CDC42BPA: variants seen among roughly 807,000 people sequenced by gnomAD.
CDC42BPA encodes the protein CDC42 binding protein kinase alpha.
A neutral mutation model predicts 223.5 loss-of-function variants in CDC42BPA; 80 were observed. The observed-to-expected ratio is 0.36, with a 90% CI of 0.30 to 0.43. CDC42BPA has a LOEUF of 0.43. Ranked by LOEUF, CDC42BPA falls within the 20% of genes least tolerant of loss-of-function variation. The pLI is 1.00. For missense variants in CDC42BPA, 1,743 were observed against 2,099.9 expected (o/e 0.83, Z 3.32); for synonymous variants, 694 against 718.6 (o/e 0.97, Z 0.55).
chr1:227,174,890 G>A (rs1401006334), intron 5 of CDC42BPA, among the ~76,000 whole-genome samples: 1 of 152,078 alleles, frequency 6.6e-6, no homozygotes, highest in Non-Finnish European at 1.5e-5. Flanking sequence ...TTGCCCTCAG[G>A]GAGAGATTCT....
intron 1 of CDC42BPA, among the ~76,000 whole-genome samples, chr1:227,299,861 G>A (rs1691314143): frequency 1.3e-5 from 2 of 152,170 alleles, no homozygotes; most frequent in East Asian, 1.9e-4. Flanking sequence ...CTTTTGGGGT[G>A]TGTTTTTCAA....
At chr1:227,088,375 TAAG>T (rs1682390079) in intron 16 of CDC42BPA, among the ~76,000 whole-genome samples, 1 of 152,220 alleles carries the variant, frequency 6.6e-6, no homozygotes, top group Non-Finnish European at 1.5e-5. Flanking sequence ...ATTTGACTTA[TAAG>T]AAGACTACAT....
chr1:227,251,843 T>TA (rs1399976099), intron 2 of CDC42BPA, among the ~76,000 whole-genome samples: 1 of 152,112 alleles, frequency 6.6e-6, no homozygotes, highest in Non-Finnish European at 1.5e-5. Flanking sequence ...TCTAATCACA[T>TA]AGAGTATGCG....
chr1:227,089,265 G>C (rs1467755685), intron 16 of CDC42BPA, among the ~76,000 whole-genome samples: 1 of 152,146 alleles, frequency 6.6e-6, no homozygotes, highest in Non-Finnish European at 1.5e-5. Context: ...GTGTAGCAAT[G>C]GCAAATGCTT....
At chr1:227,275,050 A>G (rs886844581) in intron 1 of CDC42BPA, among the ~76,000 whole-genome samples, 1 of 149,948 alleles carries the variant, frequency 6.7e-6, no homozygotes, top group Admixed American at 6.7e-5. Flanking sequence ...TAACAACCTG[A>G]ATCTAGTAGA....
chr1:227,098,554 T>G (rs936571299), intron 15 of CDC42BPA, among the ~76,000 whole-genome samples: 4 of 152,172 alleles, frequency 2.6e-5, no homozygotes, highest in Non-Finnish European at 4.4e-5. Context: ...AGTCGTCCTT[T>G]CTAGTAATAT....
chr1:227,292,131 C>T (rs1015520227), intron 1 of CDC42BPA, among the ~76,000 whole-genome samples: 2 of 151,900 alleles, frequency 1.3e-5, no homozygotes, highest in Admixed American at 1.3e-4. Flanking sequence ...TACAGGCACA[C>T]GCCACCATGC....
intron 21 of CDC42BPA, among the ~76,000 whole-genome samples, chr1:227,067,596 T>G (rs1195735113): frequency 3.3e-5 from 5 of 152,176 alleles, no homozygotes; most frequent in African/African-American, 1.2e-4. Flanking sequence ...TTTATCACAC[T>G]ATAGAGTTAA....
At position 227,195,131 on chromosome 1, in the gene CDC42BPA, G is replaced by A. The variant is rs189134135; in HGVS notation, c.451-1197C>T. ...ATTTAAAGCCTTGAAAATTAGGGAA[G>A]CAGAATATATTTAAAATCCTGTGTC... is the stretch of plus-strand genomic sequence containing the variant. On this transcript the variant is annotated intron_variant, in intron 4 of 36. Coordinates refer to ENST00000366766, the MANE Select transcript of CDC42BPA (RefSeq NM_001394014.1). 3.4e-3 allele frequency among the ~76,000 whole-genome samples: 516 copies of A among 152,292 alleles called. 2 individuals carry two copies. Among genetic ancestry groups the A allele is most frequent in the Non-Finnish European group, 5.4e-3 (364 of 68,020 alleles).
intron 14 of CDC42BPA, among the ~76,000 whole-genome samples, chr1:227,110,352 T>C (rs1183834652): frequency 6.6e-6 from 1 of 152,222 alleles, no homozygotes; most frequent in Admixed American, 6.5e-5. Flanking sequence ...ATGCATTAAC[T>C]TATTTACTAG....
intron 5 of CDC42BPA, among the ~76,000 whole-genome samples, chr1:227,165,386 T>G (rs1489878320): frequency 1.3e-5 from 2 of 152,228 alleles, no homozygotes; most frequent in East Asian, 3.8e-4. Flanking sequence ...ACTTGATACA[T>G]GATTTGATGT....
At chr1:227,250,606 A>T (rs948685102) in intron 2 of CDC42BPA, among the ~76,000 whole-genome samples, 1 of 152,052 alleles carries the variant, frequency 6.6e-6, no homozygotes, top group Non-Finnish European at 1.5e-5. Context: ...ATATGTGTGT[A>T]TATTTTTTGA....
At chr1:227,245,284 C>CTTTTTTTTTTTTT (rs759666049) in intron 2 of CDC42BPA, among the ~76,000 whole-genome samples, 11 of 81,786 alleles carry the variant, frequency 1.3e-4, no homozygotes, top group East Asian at 3.5e-4. Context: ...TGTCTTGCAT[C>CTTTTTTTTTTTTT]TTTTTTTTTT....
intron 1 of CDC42BPA, 21 bp from the exon 2 acceptor site, chr1:227,254,176 C>A: frequency 1.7e-6 from 2 of 1,198,958 alleles, no homozygotes; most frequent in South Asian, 1.3e-5. Context: ...AGAGCAATAT[C>A]AATTATTTTC....
intron 10 of CDC42BPA, among the ~76,000 whole-genome samples, chr1:227,129,694 A>AAAAAAAC (rs1656621798): frequency 1.1e-5 from 1 of 88,338 alleles, no homozygotes; most frequent in African/African-American, 4.8e-5. Flanking sequence ...AAAAAAAAAA[A>AAAAAAAC]TCCACTGCAT....
At chr1:227,253,949 TAAC>T (rs1375871123) in intron 2 of CDC42BPA, 112 bp downstream of exon 2, 6 of 720,278 alleles carry the variant, frequency 8.3e-6, no homozygotes, top group East Asian at 5.2e-5. Context: ...AATCACAACT[TAAC>T]AAATATTGTT....
At chr1:227,108,872 A>T (rs1002473928) in intron 14 of CDC42BPA, among the ~76,000 whole-genome samples, 13 of 152,158 alleles carry the variant, frequency 8.5e-5, no homozygotes, top group African/African-American at 2.9e-4. Flanking sequence ...AGCCTACTAC[A>T]CACCTAGGCT....
chr1:227,034,217 C>T (rs1231152400), intron 26 of CDC42BPA, among the ~76,000 whole-genome samples: 1 of 152,178 alleles, frequency 6.6e-6, no homozygotes, highest in African/African-American at 2.4e-5. Context: ...AACTAAGGAA[C>T]ACAGGAAGAA....
intron 2 of CDC42BPA, among the ~76,000 whole-genome samples, chr1:227,237,241 C>T (rs1486207381): frequency 6.6e-6 from 1 of 151,980 alleles, no homozygotes; most frequent in African/African-American, 2.4e-5. Flanking sequence ...GAATTCAGCT[C>T]AATCTGGAAA....
Sources: allele counts gnomAD v4.1 joint callset (sites outside exome capture counted in the v4.1 genomes callset), GRCh38; gene constraint gnomAD v4.1.1; transcripts MANE v1.5; gene names NCBI Gene and HGNC (gene_info 2026-07-23, HGNC 2026-07-21).